Variants in BAIAP2L1 observed in about 807,000 individuals in gnomAD.
The protein encoded by BAIAP2L1 is BAR/IMD domain containing adaptor protein 2 like 1, also known as BAR/IMD domain-containing adapter protein 2-like 1.
Under a neutral mutation model 66.3 loss-of-function variants are expected in BAIAP2L1, and 35 were observed. That is an observed-to-expected ratio of 0.53 (90% CI 0.40 to 0.70). The LOEUF (loss-of-function observed/expected upper bound fraction) is 0.70, where lower values mean the gene tolerates loss of function less well. Ranked by LOEUF, BAIAP2L1 falls within the 30% of genes least tolerant of loss-of-function variation. The pLI is 0.00. For synonymous variants in BAIAP2L1, 269 were observed against 248.7 expected, an observed-to-expected ratio of 1.08 and a Z score of -0.77; for missense variants, 622 against 656.9, an observed-to-expected ratio of 0.95 and a Z score of 0.58.
At chr7:98,311,965 G>T in intron 8 of BAIAP2L1, 132 bp downstream of exon 8, 1 of 894,000 alleles carries the variant, frequency 1.1e-6, no homozygotes. Flanking sequence ...AAGGTAAGGG[G>T]ATAGAGGTGC....
intron 11 of BAIAP2L1, among the ~76,000 whole-genome samples, chr7:98,305,768 G>A (rs1453990561): frequency 1.3e-5 from 2 of 152,220 alleles, no homozygotes; most frequent in African/African-American, 2.4e-5. Flanking sequence ...TGGGTCTGCT[G>A]TGAGAATTAA....
At position 98,307,960 on chromosome 7, in the gene BAIAP2L1, T is replaced by A. The variant is rs190145321; in HGVS notation, c.956-64A>T. On this transcript the variant is annotated intron_variant, in intron 9 of 13. Coordinates refer to ENST00000005260, the MANE Select transcript of BAIAP2L1 (RefSeq NM_018842.5). Reference sequence around the variant, plus strand: ...ATGAGAATCAATAGGCACATTCCAATGAGCAAACCCCAGGAATCCACCTGT... The same window carrying A: ...ATGAGAATCAATAGGCACATTCCAAAGAGCAAACCCCAGGAATCCACCTGT... The A allele has an allele frequency of 2.8e-4, 419 of 1,470,574 alleles. 1 individual carries two copies. In the East Asian group the frequency reaches 9.1e-3, roughly 32 times the overall value. The allele number at this position is 1,470,574 out of a possible 1,614,324, so 91.1% of individuals were successfully genotyped here.
Position 98,307,861 on chromosome 7 carries a change from A to C in BAIAP2L1, c.991T>G (p.Ser331Ala), listed in dbSNP as rs1800719473. ...SEDPSLQRSV[S>A]VATGLNMMKK... ...ATCATGTTCAGTCCCGTTGCAACCG[A>C]AACTGATCGCTGTAAACTGGGATCT... Residue 331 changes from serine to alanine, a missense_variant, in exon 10 of 14, where the codon TCG (serine) becomes GCG (alanine). Transcript: ENST00000005260. 1 of 1,614,116 alleles carries C rather than the reference A, an allele frequency of 6.2e-7. No homozygotes were observed. The highest frequency in any genetic ancestry group is 8.5e-7 in the Non-Finnish European group (1 of 1,180,042).
At chr7:98,338,298 T>A (rs1801658549) in intron 3 of BAIAP2L1, among the ~76,000 whole-genome samples, 1 of 151,970 alleles carries the variant, frequency 6.6e-6, no homozygotes. Flanking sequence ...GGCGGGCGCC[T>A]GTGGTCCCAG....
chr7:98,376,445 A>G (rs1381926183), intron 1 of BAIAP2L1, among the ~76,000 whole-genome samples: 1 of 152,052 alleles, frequency 6.6e-6, no homozygotes, highest in Non-Finnish European at 1.5e-5. Flanking sequence ...AGAGAGGTCG[A>G]GGTCACAGCG....
intron 1 of BAIAP2L1, among the ~76,000 whole-genome samples, chr7:98,369,438 G>T (rs750161769): frequency 6.6e-6 from 1 of 152,050 alleles, no homozygotes; most frequent in Non-Finnish European, 1.5e-5. Flanking sequence ...AGATCGTGCC[G>T]CTGCACTCCA....
intron 3 of BAIAP2L1, among the ~76,000 whole-genome samples, chr7:98,324,092 C>T (rs532541232): frequency 7.5e-4 from 114 of 152,266 alleles, no homozygotes; most frequent in Admixed American, 5.7e-3. Flanking sequence ...GCTAAGCATG[C>T]GCCCCAATAA....
chr7:98,349,728 G>A (rs1367198868), intron 3 of BAIAP2L1, among the ~76,000 whole-genome samples: 3 of 151,780 alleles, frequency 2.0e-5, no homozygotes, highest in South Asian at 4.1e-4. Context: ...AAAAAAATAC[G>A]GCCGGGGATG....
intron 2 of BAIAP2L1, among the ~76,000 whole-genome samples, chr7:98,357,491 C>T (rs1030502620): frequency 1.4e-5 from 2 of 146,852 alleles, no homozygotes; most frequent in African/African-American, 2.5e-5. Context: ...CGCTTGAACT[C>T]GGGAGGCAGA....
chr7:98,294,581 C>T (rs1800108878), intron 12 of BAIAP2L1, among the ~76,000 whole-genome samples: 1 of 152,184 alleles, frequency 6.6e-6, no homozygotes, highest in Admixed American at 6.5e-5. Flanking sequence ...AACAGAGCGA[C>T]ATCACAGAAG....
intron 1 of BAIAP2L1, among the ~76,000 whole-genome samples, chr7:98,396,712 T>C (rs1455721734): frequency 6.6e-6 from 1 of 152,058 alleles, no homozygotes; most frequent in East Asian, 1.9e-4. Flanking sequence ...TGCTCGAAAG[T>C]GGGAGGTGGA....
chr7:98,348,244 G>A (rs1801919995), intron 3 of BAIAP2L1, among the ~76,000 whole-genome samples: 1 of 152,114 alleles, frequency 6.6e-6, no homozygotes, highest in Non-Finnish European at 1.5e-5. Context: ...GGAGAGACTT[G>A]AACAACTGGT....
At chr7:98,369,163 A>G (rs979568680) in intron 1 of BAIAP2L1, among the ~76,000 whole-genome samples, 1 of 152,088 alleles carries the variant, frequency 6.6e-6, no homozygotes, top group Non-Finnish European at 1.5e-5. Context: ...TCTAATTAAA[A>G]GACAAAACTA....
intron 3 of BAIAP2L1, among the ~76,000 whole-genome samples, chr7:98,327,449 G>C (rs974798069): frequency 6.6e-6 from 1 of 152,010 alleles, no homozygotes; most frequent in Non-Finnish European, 1.5e-5. Flanking sequence ...CAAGGCAGGC[G>C]GATCACCTGA....
At chr7:98,343,246 AATAC>A (rs1562777573) in intron 3 of BAIAP2L1, among the ~76,000 whole-genome samples, 2 of 85,574 alleles carry the variant, frequency 2.3e-5, no homozygotes, top group Non-Finnish European at 4.7e-5. Context: ...GGAAAAAAAA[AATAC>A]ACACACACAC....
chr7:98,383,726 T>C (rs189388198), intron 1 of BAIAP2L1, among the ~76,000 whole-genome samples: 4 of 152,332 alleles, frequency 2.6e-5, no homozygotes, highest in African/African-American at 7.2e-5. Flanking sequence ...TTACGTTTCA[T>C]TCCACCAACT....
intron 3 of BAIAP2L1, among the ~76,000 whole-genome samples, chr7:98,322,325 A>G (rs1448275640): frequency 6.6e-6 from 1 of 152,112 alleles, no homozygotes; most frequent in Non-Finnish European, 1.5e-5. Flanking sequence ...TCAGGATTCA[A>G]CCCTTGCTGA....
chr7:98,344,318 C>T (rs921091607), intron 3 of BAIAP2L1, among the ~76,000 whole-genome samples: 1 of 152,336 alleles, frequency 6.6e-6, no homozygotes. Flanking sequence ...TATATGTTAA[C>T]TCTTATCTTC....
chr7:98,393,518 G>A (rs1432384093), intron 1 of BAIAP2L1, among the ~76,000 whole-genome samples: 1 of 150,426 alleles, frequency 6.6e-6, no homozygotes, highest in Non-Finnish European at 1.5e-5. Flanking sequence ...TTTTTTTTGA[G>A]ACGGAGTCTC....
Sources: allele counts gnomAD v4.1 joint callset (sites outside exome capture counted in the v4.1 genomes callset), GRCh38; gene constraint gnomAD v4.1.1; transcripts MANE v1.5; gene names NCBI Gene and HGNC (gene_info 2026-07-23, HGNC 2026-07-21).